The following DACH1 variants were observed in gnomAD, a reference collection of about 807,000 sequenced individuals.
DACH1 encodes the protein dachshund homolog 1.
Under a neutral mutation model 54.2 loss-of-function variants are expected in DACH1, and 12 were observed. That is an observed-to-expected ratio of 0.22 (90% CI 0.14 to 0.36). The LOEUF (loss-of-function observed/expected upper bound fraction) is 0.36, where lower values mean the gene tolerates loss of function less well. Among genes scored for constraint, DACH1 ranks in the 10% least tolerant of loss-of-function variants. The pLI, the probability that DACH1 is intolerant of heterozygous loss-of-function variation, is 1.00. For synonymous variants in DACH1, 386 were observed against 366.2 expected (o/e 1.05, Z -0.62); for missense variants, 805 against 929.8 (o/e 0.87, Z 1.75).
At chr13:71,685,249 C>T (rs1401487226) in intron 1 of DACH1, among the ~76,000 whole-genome samples, 3 of 152,108 alleles carry the variant, frequency 2.0e-5, no homozygotes, top group Non-Finnish European at 4.4e-5. Flanking sequence ...TATCACATTG[C>T]CTCAAATTCC....
intron 6 of DACH1, among the ~76,000 whole-genome samples, chr13:71,518,303 G>A (rs1881312679): frequency 6.6e-6 from 1 of 151,680 alleles, no homozygotes; most frequent in African/African-American, 2.4e-5. Flanking sequence ...TGAGGACACA[G>A]TCATCTGGAA....
chr13:71,657,336 T>G (rs1879179436), intron 2 of DACH1, among the ~76,000 whole-genome samples: 1 of 151,644 alleles, frequency 6.6e-6, no homozygotes, highest in Admixed American at 6.6e-5. Flanking sequence ...ATTAAAAAAA[T>G]TAAAAATTAG....
At chr13:71,579,272 C>T (rs538493564) in intron 3 of DACH1, among the ~76,000 whole-genome samples, 142 of 152,192 alleles carry the variant, frequency 9.3e-4, no homozygotes, top group Non-Finnish European at 1.8e-3. Flanking sequence ...TCTTCACCTA[C>T]TTAAGATATT....
intron 1 of DACH1, among the ~76,000 whole-genome samples, chr13:71,810,036 A>G (rs1166330109): frequency 6.6e-6 from 1 of 152,192 alleles, no homozygotes; most frequent in Non-Finnish European, 1.5e-5. Context: ...TCCTGAAAGA[A>G]AACAACATAC....
chr13:71,648,784 T>C (rs1878476363), intron 2 of DACH1, among the ~76,000 whole-genome samples: 1 of 152,054 alleles, frequency 6.6e-6, no homozygotes, highest in African/African-American at 2.4e-5. Context: ...GCATAAAAGG[T>C]ATGGTATAGA....
intron 6 of DACH1, among the ~76,000 whole-genome samples, chr13:71,501,823 T>G (rs1253259547): frequency 1.3e-5 from 2 of 152,178 alleles, no homozygotes; most frequent in East Asian, 1.9e-4. Flanking sequence ...CAAAGCAATG[T>G]TTTAAATGCT....
At chr13:71,693,156 A>T (rs1045985411) in intron 1 of DACH1, among the ~76,000 whole-genome samples, 1 of 152,312 alleles carries the variant, frequency 6.6e-6, no homozygotes, top group African/African-American at 2.4e-5. Flanking sequence ...GCGAGTGTGC[A>T]TAAATCTTTA....
intron 1 of DACH1, among the ~76,000 whole-genome samples, chr13:71,819,712 T>C (rs1391679208): frequency 6.6e-6 from 1 of 152,168 alleles, no homozygotes; most frequent in East Asian, 1.9e-4. Flanking sequence ...TCAAGGAACA[T>C]TAATTTCTAA....
At chr13:71,530,868 T>C (rs1465376158) in intron 6 of DACH1, among the ~76,000 whole-genome samples, 1 of 152,176 alleles carries the variant, frequency 6.6e-6, no homozygotes, top group African/African-American at 2.4e-5. Context: ...TTTTATTCCA[T>C]TTTATTTCCT....
At chr13:71,688,849 T>G (rs1167147719) in intron 1 of DACH1, among the ~76,000 whole-genome samples, 1 of 152,216 alleles carries the variant, frequency 6.6e-6, no homozygotes, top group Non-Finnish European at 1.5e-5. Context: ...ATATTTTAAT[T>G]AAAAGATTCT....
chr13:71,778,556 A>AATCTAGTAAAAT (rs1261884530), intron 1 of DACH1, among the ~76,000 whole-genome samples: 1 of 152,052 alleles, frequency 6.6e-6, no homozygotes, highest in Non-Finnish European at 1.5e-5. Context: ...TCTAGTAAAA[A>AATCTAGTAAAAT]AATCTTAATT....
In DACH1 at chr13:71,573,645, G is replaced by GT. The variant is rs200252270; in HGVS notation, c.1127-634dup. On this transcript the variant is annotated intron_variant, in intron 3 of 10. Coordinates refer to ENST00000613252, the MANE Select transcript of DACH1 (RefSeq NM_080759.6). Reference sequence around the variant, plus strand: ...TCTTCCAATGACTAACTTAAAATGAGTTTTTTAAAAAATGTATCACATTTG... The same window carrying GT: ...TCTTCCAATGACTAACTTAAAATGAGTTTTTTTAAAAAATGTATCACATTTG... 1,054 of 433,894 alleles carry GT rather than the reference G, an allele frequency of 2.4e-3. 26 individuals are homozygous for GT. The East Asian group carries it at 0.032, about 13-fold the overall frequency. 26.9% of individuals were successfully genotyped at this position (433,894 alleles called of 1,614,324 possible).
rs549581549 is a variant in DACH1, at chr13:71,790,088, A to C, written c.848+75834T>G. Among the ~76,000 whole-genome samples the C allele has an allele frequency of 2.0e-5, 3 of 152,244 alleles. No individual in the cohort carries two copies. In the South Asian group the frequency reaches 6.2e-4, roughly 32 times the overall value. ...AGAACTGCTTTACAATTCAGTAGGC[A>C]AAAGCCTGCTGAAGGATAACAAATG... is the stretch of plus-strand genomic sequence containing the variant. On this transcript the variant is annotated intron_variant, in intron 1 of 10. Coordinates refer to ENST00000613252, the MANE Select transcript of DACH1 (RefSeq NM_080759.6).
chr13:71,786,026 T>C (rs1228259815), intron 1 of DACH1, among the ~76,000 whole-genome samples: 2 of 151,764 alleles, frequency 1.3e-5, no homozygotes, highest in African/African-American at 2.4e-5. Flanking sequence ...CAAATGTGAA[T>C]AAAAGGAGGC....
intron 1 of DACH1, among the ~76,000 whole-genome samples, chr13:71,729,447 C>T (rs1015377807): frequency 6.6e-6 from 1 of 152,002 alleles, no homozygotes; most frequent in Non-Finnish European, 1.5e-5. Context: ...AAAGCATCAA[C>T]ATGGCAATGA....
At chr13:71,470,677 A>C (rs1876995034) in intron 10 of DACH1, among the ~76,000 whole-genome samples, 1 of 152,090 alleles carries the variant, frequency 6.6e-6, no homozygotes, top group Non-Finnish European at 1.5e-5. Context: ...CAGTCTCTTC[A>C]ACCAAAGTCT....
chr13:71,547,157 A>T (rs921901185), intron 6 of DACH1, among the ~76,000 whole-genome samples: 1 of 152,034 alleles, frequency 6.6e-6, no homozygotes, highest in Non-Finnish European at 1.5e-5. Flanking sequence ...GAAAATTACA[A>T]CTCTGGGAGC....
At chr13:71,804,873 T>A (rs903127030) in intron 1 of DACH1, among the ~76,000 whole-genome samples, 1 of 152,234 alleles carries the variant, frequency 6.6e-6, no homozygotes, top group Non-Finnish European at 1.5e-5. Flanking sequence ...TACATATTTA[T>A]ATCTTATCTT....
In DACH1 at chr13:71,489,111, G is replaced by C. The variant is rs1878779970; in HGVS notation, c.1608C>G (p.Ser536Arg). 6.2e-7 allele frequency: 1 copy of C among 1,613,650 alleles called. No individual in the cohort carries two copies. Among genetic ancestry groups the C allele is most frequent in the Non-Finnish European group, 8.5e-7 (1 of 1,179,732 alleles). The change falls in exon 7 of 11, where the codon AGC becomes AGG. Residue 536 changes from serine to arginine, a missense_variant. Ser to Arg is a moderately radical substitution (Grantham distance 110, BLOSUM62 -1). Transcript: ENST00000613252. ...TPLSTPTARD[S>R]LDKLSLTGHG... is the part of the protein sequence containing the mutation. ...GCCCAGTTAGAGAGAGTTTGTCAAG[G>C]CTGTCTCTTGCGGTTGGTGTAGAAA...
Sources: gnomAD v4.1 joint callset for allele counts (sites outside exome capture counted in the v4.1 genomes callset) on GRCh38, gnomAD v4.1.1 for gene constraint, MANE v1.5 for transcripts, NCBI Gene and HGNC (gene_info 2026-07-23, HGNC 2026-07-21) for gene names.